GALNT14: variants seen among roughly 807,000 people sequenced by gnomAD.
GALNT14 encodes UDP-GalNAc:polypeptide N-acetylgalactosaminyltransferase 14.
In GALNT14, 60 loss-of-function variants were observed where a neutral mutation model predicts 77.5. The ratio of observed to expected loss-of-function variants is 0.77; its 90% CI spans 0.63 to 0.96. GALNT14 has a LOEUF of 0.96. Ranked by LOEUF, GALNT14 falls within the 40% of genes least tolerant of loss-of-function variation. The pLI, the probability that GALNT14 is intolerant of heterozygous loss-of-function variation, is 0.00. For synonymous variants in GALNT14, 280 were observed against 281.7 expected, an observed-to-expected ratio of 0.99 and a Z score of 0.06; for missense variants, 710 against 731.0, an observed-to-expected ratio of 0.97 and a Z score of 0.33.
intron 4 of GALNT14, among the ~76,000 whole-genome samples, chr2:30,957,512 G>A (rs555750900): frequency 1.7e-4 from 26 of 152,248 alleles, no homozygotes; most frequent in African/African-American, 6.3e-4. Context: ...ACTGGGGAAG[G>A]GAGAGCCGAT....
the GALNT14 span, among the ~76,000 whole-genome samples, chr2:30,892,412 G>A: frequency 6.6e-6 from 1 of 152,198 alleles, no homozygotes; most frequent in African/African-American, 2.4e-5. Flanking sequence ...GGGGGAAACA[G>A]TAACAAGCTA....
At chr2:31,101,308 A>C (rs1032984495) in intron 1 of GALNT14, among the ~76,000 whole-genome samples, 1 of 152,044 alleles carries the variant, frequency 6.6e-6, no homozygotes, top group Admixed American at 6.6e-5. Context: ...CTACTTTTTA[A>C]ATGATCTTTG....
At chr2:30,979,312 C>T (rs79151781) in intron 2 of GALNT14, among the ~76,000 whole-genome samples, 3,214 of 152,108 alleles carry the variant, frequency 0.021, 141 homozygotes, top group East Asian at 0.21. Flanking sequence ...CAGGATGATG[C>T]CACAGATCAG....
intron 1 of GALNT14, among the ~76,000 whole-genome samples, chr2:30,998,287 C>T (rs1161731748): frequency 1.3e-5 from 2 of 152,108 alleles, no homozygotes; most frequent in African/African-American, 2.4e-5. Flanking sequence ...TCCTTTTCTC[C>T]TTCCTTCCCT....
At chr2:30,938,669 T>C (rs1481281401) in intron 9 of GALNT14, among the ~76,000 whole-genome samples, 3 of 152,138 alleles carry the variant, frequency 2.0e-5, no homozygotes, top group Non-Finnish European at 4.4e-5. Flanking sequence ...GGCACGTGAG[T>C]GTATGAGACA....
intron 1 of GALNT14, among the ~76,000 whole-genome samples, chr2:31,040,594 G>T (rs928048587): frequency 2.0e-5 from 3 of 152,178 alleles, no homozygotes; most frequent in African/African-American, 7.2e-5. Context: ...TGGAAACAGA[G>T]GAAACACTGG....
At chr2:31,100,778 T>C (rs1460836060) in intron 1 of GALNT14, among the ~76,000 whole-genome samples, 1 of 151,922 alleles carries the variant, frequency 6.6e-6, no homozygotes, top group African/African-American at 2.4e-5. Flanking sequence ...AACCCATAAG[T>C]TGAAAATATC....
chr2:31,033,874 T>A (rs1027644429), intron 1 of GALNT14, among the ~76,000 whole-genome samples: 16 of 152,216 alleles, frequency 1.1e-4, no homozygotes, highest in African/African-American at 3.6e-4. Context: ...TGAAAAAGCA[T>A]GTCAGAAACT....
rs770358878 is a variant in GALNT14 at position 30,910,991 on chromosome 2, G to A, written c.1569C>T (p.Phe523=). 30 of 1,613,888 alleles carry A rather than the reference G, an allele frequency of 1.9e-5. No individual in the cohort carries two copies. Among genetic ancestry groups the A allele is most frequent in the South Asian group, 4.4e-5 (4 of 91,050 alleles). ...ASHLCLDTDM[F]GDGTENGKEI... ...CCTTGCCGTTCTCGGTGCCATCACC[G>A]AACATATCTGTATCGAGGCAGAGGT... The change falls in exon 15 of 15, where the codon TTC becomes TTT. Residue 523 remains phenylalanine, a synonymous_variant. Coordinates refer to ENST00000349752, the MANE Select transcript of GALNT14 (RefSeq NM_024572.4).
At chr2:30,926,142 T>C (rs549828890) in intron 11 of GALNT14, among the ~76,000 whole-genome samples, 1 of 152,294 alleles carries the variant, frequency 6.6e-6, no homozygotes, top group South Asian at 2.1e-4. Context: ...CTAAGCTCCA[T>C]CAGGATGGGA....
chr2:31,040,956 T>C (rs1284882971), intron 1 of GALNT14, among the ~76,000 whole-genome samples: 1 of 152,144 alleles, frequency 6.6e-6, no homozygotes, highest in East Asian at 1.9e-4. Context: ...AACATCAGGG[T>C]CCTGTAAACT....
At chr2:30,904,322 C>T in the GALNT14 span, among the ~76,000 whole-genome samples, 47 of 152,188 alleles carry the variant, frequency 3.1e-4, no homozygotes, top group Admixed American at 7.2e-4. Context: ...TTAGGAAGTG[C>T]CAGACAGTGG....
At chr2:30,967,362 G>A (rs146028513) in intron 2 of GALNT14, among the ~76,000 whole-genome samples, 9 of 152,246 alleles carry the variant, frequency 5.9e-5, no homozygotes, top group Non-Finnish European at 1.2e-4. Flanking sequence ...TTAGTCCTAG[G>A]CTAATGGCCC....
intron 2 of GALNT14, among the ~76,000 whole-genome samples, chr2:30,984,991 T>C (rs1018156086): frequency 2.6e-5 from 4 of 152,150 alleles, no homozygotes; most frequent in Non-Finnish European, 5.9e-5. Flanking sequence ...GCAATCCACA[T>C]TTGAGCATCA....
At chr2:30,940,767 C>T (rs773417156) in intron 9 of GALNT14, among the ~76,000 whole-genome samples, 12 of 152,126 alleles carry the variant, frequency 7.9e-5, no homozygotes, top group Non-Finnish European at 1.6e-4. Flanking sequence ...GGAGGCAGAC[C>T]CAGCCTCGAA....
At chr2:31,116,198 G>A (rs947521556) in intron 1 of GALNT14, among the ~76,000 whole-genome samples, 3 of 152,030 alleles carry the variant, frequency 2.0e-5, no homozygotes, top group African/African-American at 7.2e-5. Context: ...ATTAAAAAGG[G>A]AAAGAGAAAT....
chr2:30,992,745 A>G, intron 2 of GALNT14, 93 bp downstream of exon 2: 2 of 1,408,538 alleles, frequency 1.4e-6, no homozygotes, highest in Non-Finnish European at 2.0e-6. Flanking sequence ...CCCGGTTCTT[A>G]GCACTGGTGC....
chr2:31,082,445 AAAGCCAGAGATCAGGAC>A (rs1676202192), intron 1 of GALNT14, among the ~76,000 whole-genome samples: 1 of 152,250 alleles, frequency 6.6e-6, no homozygotes, highest in African/African-American at 2.4e-5. Context: ...GATGGAGCTG[AAAGCCAGAGATCAGGAC>A]AAGGCAGATG....
intron 13 of GALNT14, among the ~76,000 whole-genome samples, chr2:30,913,836 G>T (rs1031503382): frequency 2.0e-5 from 3 of 152,168 alleles, no homozygotes; most frequent in African/African-American, 7.2e-5. Context: ...TTAACAGCAG[G>T]GCAATGGGTA....
Sources: gnomAD v4.1 joint callset for allele counts (sites outside exome capture counted in the v4.1 genomes callset) on GRCh38, gnomAD v4.1.1 for gene constraint, MANE v1.5 for transcripts, NCBI Gene and HGNC (gene_info 2026-07-23, HGNC 2026-07-21) for gene names.